NAV3: variants seen among roughly 807,000 people sequenced by gnomAD.
NAV3 encodes pore membrane and/or filament interacting like protein 1.
NAV3 carries 87 observed loss-of-function variants against 244.7 expected under a neutral mutation model. The ratio of observed to expected loss-of-function variants is 0.36; its 90% CI spans 0.30 to 0.42. The LOEUF is 0.42. NAV3 is among the 20% of genes least tolerant of loss of function. The probability of loss-of-function intolerance (pLI) is 1.00; values close to 1 mark genes in which losing one functional copy is unlikely to be tolerated. For missense variants in NAV3, 2,663 were observed against 2,893.3 expected, an observed-to-expected ratio of 0.92 and a Z score of 1.83; for synonymous variants, 1,126 against 1,042.2, an observed-to-expected ratio of 1.08 and a Z score of -1.55.
intron 2 of NAV3, among the ~76,000 whole-genome samples, chr12:77,751,036 C>G (rs144730355): frequency 6.6e-6 from 1 of 152,036 alleles, no homozygotes; most frequent in Non-Finnish European, 1.5e-5. Flanking sequence ...TGTTTATTAA[C>G]GAGTTGGGCT....
intron 19 of NAV3, among the ~76,000 whole-genome samples, chr12:78,139,699 C>G (rs1385383738): frequency 9.2e-5 from 14 of 151,858 alleles, no homozygotes; most frequent in Admixed American, 7.9e-4. Flanking sequence ...CATTTCCATT[C>G]TCAATTTCTC....
intron 2 of NAV3, among the ~76,000 whole-genome samples, chr12:77,610,637 G>A (rs1870869219): frequency 6.6e-6 from 1 of 151,952 alleles, no homozygotes. Context: ...CTAGAGACCT[G>A]GAATCAGCTG....
intron 36 of NAV3, chr12:78,198,982 C>T (rs1281411795): frequency 2.3e-6 from 1 of 443,742 alleles, no homozygotes; most frequent in Non-Finnish European, 4.1e-6. Flanking sequence ...TTCACTATGT[C>T]CCTGGTTAAA....
intron 8 of NAV3, among the ~76,000 whole-genome samples, chr12:78,008,953 C>A (rs1874737140): frequency 6.6e-6 from 1 of 152,168 alleles, no homozygotes; most frequent in Non-Finnish European, 1.5e-5. Context: ...ATATGTCATA[C>A]TCAGCACACT....
chr12:77,741,450 C>T (rs992282752), intron 2 of NAV3, among the ~76,000 whole-genome samples: 4 of 151,988 alleles, frequency 2.6e-5, no homozygotes, highest in Non-Finnish European at 5.9e-5. Context: ...TTGTGTGTTG[C>T]TGTCAGTTTT....
intron 9 of NAV3, among the ~76,000 whole-genome samples, chr12:78,040,034 T>TA (rs1223421551): frequency 6.6e-6 from 1 of 152,158 alleles, no homozygotes; most frequent in Non-Finnish European, 1.5e-5. Flanking sequence ...GCTAAACATT[T>TA]AATTTTATTT....
intron 2 of NAV3, among the ~76,000 whole-genome samples, chr12:77,615,596 A>G (rs1871116829): frequency 6.6e-6 from 1 of 152,168 alleles, no homozygotes; most frequent in African/African-American, 2.4e-5. Context: ...TATATGTACC[A>G]CATTCTCCTG....
At position 78,122,093 on chromosome 12, in the gene NAV3, T is replaced by C. The variant is rs773809217; in HGVS notation, c.3903T>C (p.Ala1301=). 5 of 1,614,070 alleles carry C rather than the reference T, an allele frequency of 3.1e-6. No homozygotes were observed. Among genetic ancestry groups the C allele is most frequent in the South Asian group, 2.2e-5 (2 of 91,086 alleles). Reference sequence around the variant, plus strand: ...CCGGTACGGGCAGCATGGGCAGTGCTGGTGGGCTAAGCGGCAGCAGCAGCC... The same window carrying C: ...CCGGTACGGGCAGCATGGGCAGTGCCGGTGGGCTAAGCGGCAGCAGCAGCC... The part of the protein sequence containing the change: ...PSSGTGSMGS[A]GGLSGSSSPL... The change falls in exon 16 of 40, where the codon GCT becomes GCC. Residue 1301 remains alanine, a synonymous_variant. Coordinates refer to ENST00000397909, the MANE Select transcript of NAV3 (RefSeq NM_001024383.2).
intron 1 of NAV3, among the ~76,000 whole-genome samples, chr12:77,874,651 G>A (rs1881582471): frequency 6.6e-6 from 1 of 151,900 alleles, no homozygotes; most frequent in Admixed American, 6.6e-5. Flanking sequence ...TGTCTTATTA[G>A]TGAATGTGTG....
At chr12:77,845,898 C>T (rs985445438) in intron 1 of NAV3, among the ~76,000 whole-genome samples, 3 of 152,054 alleles carry the variant, frequency 2.0e-5, no homozygotes, top group Non-Finnish European at 1.5e-5. Context: ...GGTGATCTGC[C>T]CACCTCAACC....
chr12:78,122,304 A>T lies in NAV3; in HGVS notation c.4114A>T (p.Ser1372Cys), dbSNP rs2138700331. ...CCAGTCCATGACTAGCCTCCACACGAGCTCTGAGTCCATTGACCTCCCCCT... is the reference window on the plus strand; with the variant it reads ...CCAGTCCATGACTAGCCTCCACACGTGCTCTGAGTCCATTGACCTCCCCCT... ...SYQSMTSLHTSSESIDLPLSH... is the reference protein window; with the variant it reads ...SYQSMTSLHTCSESIDLPLSH... Residue 1372 changes from serine (S) to cysteine (C), a missense_variant, in exon 16 of 40, where the codon AGC becomes TGC. This residue lies in a region of NAV3 where 354 missense variants were observed against 413.0 expected (regional missense o/e 0.86). Coordinates refer to ENST00000397909, the MANE Select transcript of NAV3 (RefSeq NM_001024383.2). 6.2e-7 allele frequency: 1 copy of T among 1,614,014 alleles called. No individual in the cohort carries two copies. Among genetic ancestry groups the T allele is most frequent in the East Asian group, 2.2e-5 (1 of 44,860 alleles).
Position 77,645,668 on chromosome 12 carries a change from A to C in NAV3, c.72+73402A>C, listed in dbSNP as rs1398329603. The stretch of plus-strand genomic sequence containing the variant: ...TTCTATTTCTGTTTGCAAATATATT[A>C]ATTTTGGAATTTCAAAAGACCCTTA... On this transcript the variant is annotated intron_variant, in intron 2 of 8. Transcript: ENST00000550042. 2.0e-5 allele frequency among the ~76,000 whole-genome samples: 3 copies of C among 151,858 alleles called. No individual in the cohort carries two copies. The East Asian group carries it at 5.8e-4, about 29-fold the overall frequency.
upstream of NAV3, among the ~76,000 whole-genome samples, chr12:77,826,090 G>A (rs1194590661): frequency 1.3e-5 from 2 of 152,058 alleles, no homozygotes; most frequent in Non-Finnish European, 2.9e-5. Context: ...GTTCAGAATG[G>A]TATGTTTTGG....
chr12:77,873,744 G>A lies in NAV3; in HGVS notation c.243+42040G>A, dbSNP rs867399911. On this transcript the variant is annotated intron_variant, in intron 1 of 39. Coordinates refer to ENST00000397909, the MANE Select transcript of NAV3 (RefSeq NM_001024383.2). ...CTTATCTAAATACATATGTGTGTGT[G>A]TATATATATATATATATATATATGT... is the stretch of plus-strand genomic sequence containing the variant. Among the ~76,000 whole-genome samples the A allele has an allele frequency of 5.4e-3, 392 of 73,146 alleles. 6 individuals carry two copies. Among genetic ancestry groups the A allele is most frequent in the African/African-American group, 0.012 (264 of 22,288 alleles). The allele number at this position is 73,146 out of a possible 152,430, so 48.0% of individuals were successfully genotyped here. A position where few individuals can be genotyped will look rare whatever the true frequency, so the allele number is the denominator to read the frequency against.
intron 2 of NAV3, among the ~76,000 whole-genome samples, chr12:77,719,746 T>C (rs561173109): frequency 1.3e-5 from 2 of 152,276 alleles, no homozygotes; most frequent in East Asian, 3.9e-4. Flanking sequence ...GATAATGACC[T>C]GTAGTATTCT....
chr12:78,168,645 TC>T, intron 23 of NAV3, 109 bp from the exon 24 acceptor site: 1 of 630,038 alleles, frequency 1.6e-6, no homozygotes, highest in Non-Finnish European at 2.8e-6. Context: ...ATCCAAATCT[TC>T]CAGGAGGTTG....
chr12:77,884,012 G>A (rs1026849840), intron 1 of NAV3, among the ~76,000 whole-genome samples: 2 of 152,114 alleles, frequency 1.3e-5, no homozygotes, highest in Non-Finnish European at 2.9e-5. Context: ...ACCTCTTTGT[G>A]AGGTATAGCA....
intron 1 of NAV3, among the ~76,000 whole-genome samples, chr12:77,892,332 G>A (rs764389132): frequency 3.9e-5 from 6 of 152,100 alleles, no homozygotes; most frequent in Non-Finnish European, 8.8e-5. Context: ...CTTGCTGATG[G>A]AAAATTATTT....
chr12:77,829,484 CAT>C (rs1873368434), upstream of NAV3, among the ~76,000 whole-genome samples: 1 of 152,144 alleles, frequency 6.6e-6, no homozygotes, highest in Non-Finnish European at 1.5e-5. Flanking sequence ...TTACAAGTTG[CAT>C]ATGTCTTATT....
Sources: gnomAD v4.1 joint callset for allele counts (sites outside exome capture counted in the v4.1 genomes callset) on GRCh38, gnomAD v4.1.1 for gene constraint, gnomAD v4.1.1 regional missense constraint, MANE v1.5 for transcripts, NCBI Gene and HGNC (gene_info 2026-07-23, HGNC 2026-07-21) for gene names.